GALNT13: variants seen among roughly 807,000 people sequenced by gnomAD.
The protein encoded by GALNT13 is polypeptide N-acetylgalactosaminyltransferase 13.
Under a neutral mutation model 64.2 loss-of-function variants are expected in GALNT13, and 28 were observed. The observed-to-expected ratio is 0.44, with a 90% CI of 0.32 to 0.60. GALNT13 has a LOEUF of 0.60. Ranked by LOEUF, GALNT13 falls within the 20% of genes least tolerant of loss-of-function variation. GALNT13 has a pLI of 0.05. For synonymous variants in GALNT13, 214 were observed against 224.6 expected (o/e 0.95, Z 0.42); for missense variants, 577 against 669.8 (o/e 0.86, Z 1.53).
chr2:153,974,814 T>G (rs1310252749), intron 3 of GALNT13, among the ~76,000 whole-genome samples: 2 of 152,000 alleles, frequency 1.3e-5, no homozygotes, highest in Non-Finnish European at 2.9e-5. Flanking sequence ...GTTCTGTCAC[T>G]AGGTCCTAGG....
At chr2:153,158,314 A>T in the GALNT13 span, among the ~76,000 whole-genome samples, 5 of 152,188 alleles carry the variant, frequency 3.3e-5, no homozygotes, top group Non-Finnish European at 7.4e-5. Flanking sequence ...CTCTAAGGCT[A>T]TGAAGTAATA....
chr2:153,444,856 TC>T, the GALNT13 span, among the ~76,000 whole-genome samples: 1 of 152,184 alleles, frequency 6.6e-6, no homozygotes, highest in Non-Finnish European at 1.5e-5. Flanking sequence ...TGTTAGTTGT[TC>T]CCAGCTTGTG....
the GALNT13 span, among the ~76,000 whole-genome samples, chr2:153,093,986 A>G: frequency 6.6e-6 from 1 of 152,118 alleles, no homozygotes; most frequent in Non-Finnish European, 1.5e-5. Context: ...AGTGGCCACT[A>G]ATGATCCTTT....
chr2:153,344,786 T>A, the GALNT13 span, among the ~76,000 whole-genome samples: 1 of 152,216 alleles, frequency 6.6e-6, no homozygotes, highest in Non-Finnish European at 1.5e-5. Flanking sequence ...TATGAGGTGA[T>A]GGATATATTA....
chr2:153,837,905 C>G, the GALNT13 span, among the ~76,000 whole-genome samples: 1 of 151,950 alleles, frequency 6.6e-6, no homozygotes, highest in Non-Finnish European at 1.5e-5. Flanking sequence ...ACAAGTGTTT[C>G]CTTTTCTCCA....
the GALNT13 span, among the ~76,000 whole-genome samples, chr2:153,188,588 A>C: frequency 1.3e-5 from 2 of 152,136 alleles, no homozygotes; most frequent in Non-Finnish European, 2.9e-5. Flanking sequence ...TAACTCCAGG[A>C]ACTTTTTTTC....
the GALNT13 span, among the ~76,000 whole-genome samples, chr2:153,260,618 A>AGTATCATTT: frequency 2.6e-5 from 4 of 152,026 alleles, no homozygotes; most frequent in African/African-American, 9.7e-5. Flanking sequence ...TCTTGCTTTT[A>AGTATCATTT]GTATCATTTT....
At chr2:153,259,590 C>T in the GALNT13 span, among the ~76,000 whole-genome samples, 2 of 152,068 alleles carry the variant, frequency 1.3e-5, no homozygotes, top group Non-Finnish European at 2.9e-5. Flanking sequence ...GTGATATTCT[C>T]ATGATAGTGA....
intron 4 of GALNT13, among the ~76,000 whole-genome samples, chr2:154,209,827 T>C (rs1687668547): frequency 6.6e-6 from 1 of 152,214 alleles, no homozygotes; most frequent in Admixed American, 6.5e-5. Context: ...AATTAACATA[T>C]AAACCACCTA....
chr2:153,154,038 T>C, the GALNT13 span, among the ~76,000 whole-genome samples: 1 of 152,124 alleles, frequency 6.6e-6, no homozygotes, highest in African/African-American at 2.4e-5. Flanking sequence ...GCATGGAATG[T>C]TTTCCCATTT....
chr2:153,416,195 G>T, the GALNT13 span, among the ~76,000 whole-genome samples: 4 of 152,072 alleles, frequency 2.6e-5, no homozygotes, highest in Non-Finnish European at 4.4e-5. Flanking sequence ...TTAAGAAAAA[G>T]AAAATGTACT....
In GALNT13 at chr2:154,022,923, ATCT is replaced by A. The variant is rs1697634525; in HGVS notation, c.142+78286_142+78288del. Among the ~76,000 whole-genome samples, 3 of 152,166 alleles carry A rather than the reference ATCT, an allele frequency of 2.0e-5. No homozygotes were observed. The South Asian group carries it at 6.2e-4, about 32-fold the overall frequency. On this transcript the variant is annotated intron_variant, in intron 3 of 12. Transcript: ENST00000392825. ...TTTGTTCTCATTGGTTTCAAAGAAC[ATCT>A]TTATTTCTGCCTTCATTTCATTATT...
rs183638381 is a variant in GALNT13, at chr2:154,263,758, G to A, written c.975+4620G>A. On this transcript the variant is annotated intron_variant, in intron 8 of 12. Coordinates refer to ENST00000392825, the MANE Select transcript of GALNT13 (RefSeq NM_052917.4). ...TCTACACTCATAAATCAGTTGGAAT[G>A]AAACAGTTGTTAATTTTTAAAAGTA... Among the ~76,000 whole-genome samples, 926 of 152,190 alleles carry A rather than the reference G, an allele frequency of 6.1e-3. 7 individuals are homozygous for A. Among genetic ancestry groups the A allele is most frequent in the Non-Finnish European group, 9.7e-3 (661 of 68,008 alleles).
chr2:153,520,852 C>G, the GALNT13 span, among the ~76,000 whole-genome samples: 308 of 152,108 alleles, frequency 2.0e-3, 1 homozygote, highest in African/African-American at 7.0e-3. Context: ...AGTACATGAA[C>G]AGAAGAGACC....
the GALNT13 span, among the ~76,000 whole-genome samples, chr2:153,520,874 A>T: frequency 6.6e-6 from 1 of 152,192 alleles, no homozygotes; most frequent in Non-Finnish European, 1.5e-5. Flanking sequence ...TGAGATATGT[A>T]AATCATAAAT....
chr2:153,804,988 TTAAAG>T, the GALNT13 span, among the ~76,000 whole-genome samples: 2 of 151,874 alleles, frequency 1.3e-5, no homozygotes, highest in African/African-American at 4.8e-5. Flanking sequence ...TACTTAGAAA[TTAAAG>T]TAGTCTAAAT....
intron 9 of GALNT13, among the ~76,000 whole-genome samples, chr2:154,357,688 C>A (rs975173971): frequency 6.6e-6 from 1 of 151,970 alleles, no homozygotes; most frequent in Non-Finnish European, 1.5e-5. Flanking sequence ...GGATATGGGT[C>A]AAGGGATGAC....
chr2:153,281,334 T>C, the GALNT13 span, among the ~76,000 whole-genome samples: 1 of 151,672 alleles, frequency 6.6e-6, no homozygotes, highest in Non-Finnish European at 1.5e-5. Flanking sequence ...TTTTTTTTAA[T>C]CCAACTTGAA....
chr2:153,111,668 T>G, the GALNT13 span, among the ~76,000 whole-genome samples: 4 of 150,806 alleles, frequency 2.7e-5, no homozygotes, highest in Non-Finnish European at 5.9e-5. Context: ...CATATGGATA[T>G]CATGAGTAAA....
Sources: allele counts gnomAD v4.1 joint callset (sites outside exome capture counted in the v4.1 genomes callset), GRCh38; gene constraint gnomAD v4.1.1; transcripts MANE v1.5; gene names NCBI Gene and HGNC (gene_info 2026-07-23, HGNC 2026-07-21).